AK5: variants seen among roughly 807,000 people sequenced by gnomAD.
AK5 encodes the protein adenylate kinase isoenzyme 5.
AK5 carries 27 observed loss-of-function variants against 69.5 expected under a neutral mutation model. That is an observed-to-expected ratio of 0.39 (90% confidence interval 0.29 to 0.54). The LOEUF (loss-of-function observed/expected upper bound fraction) is 0.54, where lower values mean the gene tolerates loss of function less well. Among genes scored for constraint, AK5 ranks in the 20% least tolerant of loss-of-function variants. The probability of loss-of-function intolerance (pLI) is 0.71; values close to 1 mark genes in which losing one functional copy is unlikely to be tolerated. For missense variants in AK5, 531 were observed against 700.4 expected (o/e 0.76, Z 2.73); for synonymous variants, 260 against 244.4 (o/e 1.06, Z -0.60).
intron 10 of AK5, among the ~76,000 whole-genome samples, chr1:77,513,220 T>G (rs542845936): frequency 1.3e-5 from 2 of 152,248 alleles, no homozygotes; most frequent in South Asian, 4.2e-4. Flanking sequence ...TTCCCACACT[T>G]TCCTTGTGCT....
chr1:77,454,106 C>T (rs1232169620), intron 8 of AK5, among the ~76,000 whole-genome samples: 1 of 152,164 alleles, frequency 6.6e-6, no homozygotes, highest in African/African-American at 2.4e-5. Flanking sequence ...AAGTAGGCTG[C>T]TCTACTACGG....
intron 6 of AK5, among the ~76,000 whole-genome samples, chr1:77,382,967 A>G (rs1031414772): frequency 2.6e-5 from 4 of 152,200 alleles, no homozygotes; most frequent in African/African-American, 4.8e-5. Flanking sequence ...AATAAAAGAA[A>G]TACAAAGAGA....
At chr1:77,346,516 G>A (rs1035681857) in intron 6 of AK5, among the ~76,000 whole-genome samples, 1 of 152,084 alleles carries the variant, frequency 6.6e-6, no homozygotes, top group African/African-American at 2.4e-5. Flanking sequence ...TTTTTGTGGG[G>A]GATAGGGTCT....
chr1:77,413,052 AC>A (rs1650151735), intron 7 of AK5, among the ~76,000 whole-genome samples: 1 of 146,128 alleles, frequency 6.8e-6, no homozygotes, highest in Non-Finnish European at 1.5e-5. Context: ...TGAAAAAAAA[AC>A]AAAACAAAAC....
intron 5 of AK5, among the ~76,000 whole-genome samples, chr1:77,324,359 C>G (rs1437576207): frequency 6.7e-6 from 1 of 149,450 alleles, no homozygotes; most frequent in Non-Finnish European, 1.5e-5. Flanking sequence ...GTGTGTCTTA[C>G]TCATGGCTAT....
At chr1:77,507,023 A>G (rs78627096) in intron 10 of AK5, among the ~76,000 whole-genome samples, 77 of 152,284 alleles carry the variant, frequency 5.1e-4, no homozygotes, top group African/African-American at 1.8e-3. Flanking sequence ...CATAGTTAAT[A>G]AATAATGGGG....
At chr1:77,403,406 C>T (rs948907847) in intron 6 of AK5, among the ~76,000 whole-genome samples, 140 of 151,944 alleles carry the variant, frequency 9.2e-4, no homozygotes, top group African/African-American at 3.1e-3. Flanking sequence ...CCTAGGTTTT[C>T]TTCTAGGGTT....
At chr1:77,548,745 T>C (rs1659665524) in intron 13 of AK5, among the ~76,000 whole-genome samples, 1 of 152,180 alleles carries the variant, frequency 6.6e-6, no homozygotes, top group East Asian at 1.9e-4. Context: ...AAACAAAATG[T>C]GTAATTCCCA....
chr1:77,393,814 C>T (rs1348210197), intron 6 of AK5, among the ~76,000 whole-genome samples: 1 of 152,188 alleles, frequency 6.6e-6, no homozygotes, highest in African/African-American at 2.4e-5. Flanking sequence ...GGTGGTCTAC[C>T]TCTCCACCTC....
intron 8 of AK5, among the ~76,000 whole-genome samples, chr1:77,452,979 T>C (rs1264766782): frequency 1.3e-5 from 2 of 152,206 alleles, no homozygotes; most frequent in East Asian, 3.8e-4. Context: ...AAATAGATTG[T>C]ATAAAATATT....
chr1:77,484,154 C>T (rs1206224041), intron 9 of AK5, among the ~76,000 whole-genome samples: 2 of 102,670 alleles, frequency 1.9e-5, no homozygotes, highest in Non-Finnish European at 4.3e-5. Context: ...AGTGAGACTA[C>T]GTCTCAAAAA....
chr1:77,409,222 A>T (rs528684559), intron 6 of AK5, among the ~76,000 whole-genome samples: 1 of 152,262 alleles, frequency 6.6e-6, no homozygotes, highest in South Asian at 2.1e-4. Flanking sequence ...TGCAATGAAG[A>T]TTCACGTGTA....
At chr1:77,409,726 C>T (rs1027018551) in intron 6 of AK5, among the ~76,000 whole-genome samples, 20 of 152,176 alleles carry the variant, frequency 1.3e-4, no homozygotes, top group African/African-American at 4.8e-4. Flanking sequence ...TTTAGCAGTG[C>T]AGAAGCTCTC....
Position 77,283,678 on chromosome 1 carries a change from G to A in AK5, c.60+1305G>A, listed in dbSNP as rs7517698. 1.8e-4 allele frequency: 165 copies of A among 927,198 alleles called. No individual in the cohort carries two copies. In the South Asian group the frequency reaches 6.8e-3, roughly 38 times the overall value. 57.4% of individuals were successfully genotyped at this position (927,198 alleles called of 1,614,324 possible). The stretch of plus-strand genomic sequence containing the variant: ...AATCTAGCAAATGTGTTACTCCTGC[G>A]TGAAAATAATTAGGTGGTGTTGCAT... On this transcript the variant is annotated intron_variant, in intron 1 of 13. Coordinates refer to ENST00000354567, the MANE Select transcript of AK5 (RefSeq NM_174858.3).
intron 8 of AK5, among the ~76,000 whole-genome samples, chr1:77,457,502 C>T (rs1364775175): frequency 6.6e-6 from 1 of 152,076 alleles, no homozygotes; most frequent in Non-Finnish European, 1.5e-5. Context: ...TCCATCTGTT[C>T]TATTGAGTTT....
intron 13 of AK5, among the ~76,000 whole-genome samples, chr1:77,542,773 C>T (rs138679626): frequency 6.6e-6 from 1 of 151,810 alleles, no homozygotes; most frequent in Non-Finnish European, 1.5e-5. Flanking sequence ...GATATATTTC[C>T]GTACATTTTG....
At chr1:77,445,644 G>T (rs962403581) in intron 8 of AK5, among the ~76,000 whole-genome samples, 3 of 152,130 alleles carry the variant, frequency 2.0e-5, no homozygotes, top group Non-Finnish European at 4.4e-5. Flanking sequence ...GAGTGCAGTG[G>T]CATGATCTCA....
chr1:77,461,711 A>G (rs1653855382), intron 8 of AK5, among the ~76,000 whole-genome samples: 1 of 151,830 alleles, frequency 6.6e-6, no homozygotes, highest in Non-Finnish European at 1.5e-5. Context: ...TGGAGGTTGC[A>G]GTGAGCAGAG....
chr1:77,380,034 G>A (rs189780610), intron 6 of AK5, among the ~76,000 whole-genome samples: 92 of 152,296 alleles, frequency 6.0e-4, no homozygotes, highest in African/African-American at 2.1e-3. Flanking sequence ...GTCCCACTGA[G>A]CCCACAGAGT....
Sources: allele counts gnomAD v4.1 joint callset (sites outside exome capture counted in the v4.1 genomes callset), GRCh38; gene constraint gnomAD v4.1.1; transcripts MANE v1.5; gene names NCBI Gene and HGNC (gene_info 2026-07-23, HGNC 2026-07-21).